The following UNC13C variants were observed in gnomAD, a reference collection of about 807,000 sequenced individuals.
The protein encoded by UNC13C is unc-13 homolog C, also known as protein unc-13 homolog C.
In UNC13C, 174 loss-of-function variants were observed where a neutral mutation model predicts 245.4. The ratio of observed to expected loss-of-function variants is 0.71; its 90% CI spans 0.63 to 0.80. The LOEUF (loss-of-function observed/expected upper bound fraction) is 0.80. UNC13C is among the 30% of genes least tolerant of loss of function. UNC13C has a pLI of 0.00. For synonymous variants in UNC13C, 992 were observed against 895.1 expected (o/e 1.11, Z -1.93); for missense variants, 2,829 against 2,602.9 (o/e 1.09, Z -1.89).
chr15:54,500,570 G>C (rs868520913), intron 21 of UNC13C, among the ~76,000 whole-genome samples: 2 of 151,992 alleles, frequency 1.3e-5, no homozygotes, highest in African/African-American at 4.8e-5. Context: ...CTAACCTATT[G>C]CCTGTGGAGA....
At chr15:54,137,771 C>G (rs1464063850) in intron 2 of UNC13C, among the ~76,000 whole-genome samples, 3 of 151,664 alleles carry the variant, frequency 2.0e-5, no homozygotes, top group Non-Finnish European at 2.9e-5. Flanking sequence ...TCAAAAAAAC[C>G]CTCTTAGTTT....
the UNC13C span, among the ~76,000 whole-genome samples, chr15:53,841,754 C>G: frequency 1.3e-5 from 2 of 152,098 alleles, no homozygotes; most frequent in Non-Finnish European, 2.9e-5. Flanking sequence ...TCAGGGGTCT[C>G]ATGTGGATTT....
intron 18 of UNC13C, among the ~76,000 whole-genome samples, chr15:54,405,704 A>C (rs905266307): frequency 2.0e-5 from 3 of 152,162 alleles, no homozygotes; most frequent in African/African-American, 7.2e-5. Flanking sequence ...TGTCTGAAAA[A>C]TGGAGTGTTT....
chr15:54,365,978 C>A (rs1293280385), intron 17 of UNC13C, among the ~76,000 whole-genome samples: 2 of 152,048 alleles, frequency 1.3e-5, no homozygotes, highest in African/African-American at 4.8e-5. Context: ...ACTGTTGTGA[C>A]CTTTGCAGCA....
intron 19 of UNC13C, among the ~76,000 whole-genome samples, chr15:54,443,718 T>C (rs1890655327): frequency 6.6e-6 from 1 of 152,070 alleles, no homozygotes; most frequent in East Asian, 1.9e-4. Flanking sequence ...TAGTTTCCAA[T>C]AGGTCCTCTT....
intron 13 of UNC13C, among the ~76,000 whole-genome samples, chr15:54,319,489 G>T (rs1028331679): frequency 1.3e-5 from 2 of 151,680 alleles, no homozygotes; most frequent in Admixed American, 1.3e-4. Context: ...CGAAATCCAG[G>T]GTTAATTTGC....
chr15:53,941,625 C>T, the UNC13C span, among the ~76,000 whole-genome samples: 3 of 151,868 alleles, frequency 2.0e-5, no homozygotes, highest in African/African-American at 7.2e-5. Flanking sequence ...AAAAAGTAGG[C>T]AAAAGACTTT....
At chr15:54,093,953 C>A (rs1198702787) in intron 2 of UNC13C, among the ~76,000 whole-genome samples, 1 of 152,052 alleles carries the variant, frequency 6.6e-6, no homozygotes, top group Non-Finnish European at 1.5e-5. Flanking sequence ...CTGTGGGGAG[C>A]ATAATTGACT....
intron 1 of UNC13C, among the ~76,000 whole-genome samples, chr15:54,010,567 C>T (rs1404691257): frequency 6.6e-6 from 1 of 152,164 alleles, no homozygotes; most frequent in Non-Finnish European, 1.5e-5. Context: ...AATCAGGGAA[C>T]TGCTACTACT....
At chr15:53,872,604 C>T in the UNC13C span, among the ~76,000 whole-genome samples, 1 of 152,164 alleles carries the variant, frequency 6.6e-6, no homozygotes, top group African/African-American at 2.4e-5. Flanking sequence ...ATTATGACAA[C>T]TTCCTCTCCA....
intron 17 of UNC13C, among the ~76,000 whole-genome samples, chr15:54,383,607 A>T (rs559939972): frequency 2.0e-5 from 3 of 152,252 alleles, no homozygotes; most frequent in East Asian, 3.9e-4. Flanking sequence ...GAAATGAAAC[A>T]AATGGTGAAA....
At chr15:54,008,269 G>A (rs1360491348) in intron 1 of UNC13C, among the ~76,000 whole-genome samples, 1 of 152,232 alleles carries the variant, frequency 6.6e-6, no homozygotes, top group Non-Finnish European at 1.5e-5. Context: ...AGTCAAGGCT[G>A]TGTTTCATGT....
At chr15:54,437,875 T>C (rs920301989) in intron 19 of UNC13C, among the ~76,000 whole-genome samples, 4 of 151,986 alleles carry the variant, frequency 2.6e-5, no homozygotes, top group Non-Finnish European at 5.9e-5. Context: ...GTAAGGTACT[T>C]ACAAGCAGCT....
rs529053796 is a variant in UNC13C, at chr15:54,314,084, A to T, written c.4269-7855A>T. On this transcript the variant is annotated intron_variant, in intron 13 of 32. Transcript: ENST00000260323. ...TTATATGTGGCATCAAAAAAAAAAAACAAAACAAAACTGGAATTCACGGAA... is the reference window on the plus strand; with the variant it reads ...TTATATGTGGCATCAAAAAAAAAAATCAAAACAAAACTGGAATTCACGGAA... 1.7e-3 allele frequency among the ~76,000 whole-genome samples: 257 copies of T among 150,718 alleles called. 1 individual carries two copies. The highest frequency in any genetic ancestry group is 3.2e-3 in the Non-Finnish European group (213 of 67,420).
At chr15:54,290,289 T>C (rs918378603) in intron 10 of UNC13C, among the ~76,000 whole-genome samples, 2 of 152,050 alleles carry the variant, frequency 1.3e-5, no homozygotes, top group African/African-American at 4.8e-5. Context: ...CAAATATTAG[T>C]AATGTGACAG....
At chr15:53,939,460 C>T in the UNC13C span, among the ~76,000 whole-genome samples, 1 of 152,050 alleles carries the variant, frequency 6.6e-6, no homozygotes, top group Admixed American at 6.6e-5. Flanking sequence ...AATTTGAAAA[C>T]AAGGCACTCC....
chr15:53,981,040 C>T (rs1031917683), intron 1 of UNC13C, among the ~76,000 whole-genome samples: 5 of 152,174 alleles, frequency 3.3e-5, no homozygotes, highest in African/African-American at 1.2e-4. Context: ...AAGGTCAGTG[C>T]AGAAGAGAAC....
At chr15:54,438,980 T>A (rs181004686) in intron 19 of UNC13C, among the ~76,000 whole-genome samples, 1 of 152,114 alleles carries the variant, frequency 6.6e-6, no homozygotes, top group Non-Finnish European at 1.5e-5. Context: ...GTTTAACTTA[T>A]AAAGTTCTCA....
At chr15:54,099,560 A>G (rs1900056584) in intron 2 of UNC13C, among the ~76,000 whole-genome samples, 1 of 152,094 alleles carries the variant, frequency 6.6e-6, no homozygotes, top group Non-Finnish European at 1.5e-5. Context: ...ATTCTGATGA[A>G]ATTTTTCAAA....
Sources: allele counts gnomAD v4.1 joint callset (sites outside exome capture counted in the v4.1 genomes callset), GRCh38; gene constraint gnomAD v4.1.1; transcripts MANE v1.5; gene names NCBI Gene and HGNC (gene_info 2026-07-23, HGNC 2026-07-21).